KLHL20: variants seen among roughly 807,000 people sequenced by gnomAD.
KLHL20 encodes kelch-like protein 20.
A neutral mutation model predicts 69.5 loss-of-function variants in KLHL20; 29 were observed. The ratio of observed to expected loss-of-function variants is 0.42; its 90% CI spans 0.31 to 0.57. KLHL20 has a LOEUF of 0.57. Among genes scored for constraint, KLHL20 ranks in the 20% least tolerant of loss-of-function variants. KLHL20 has a pLI of 0.18. For synonymous variants in KLHL20, 253 were observed against 265.2 expected (o/e 0.95, Z 0.45); for missense variants, 419 against 776.0 (o/e 0.54, Z 5.47).
chr1:173,750,228 A>G (rs1055678872), intron 3 of KLHL20, among the ~76,000 whole-genome samples: 1 of 152,238 alleles, frequency 6.6e-6, no homozygotes, highest in African/African-American at 2.4e-5. Context: ...TATTTCTGCT[A>G]TAAATATAAC....
intron 3 of KLHL20, among the ~76,000 whole-genome samples, chr1:173,736,484 T>C (rs1445798903): frequency 1.3e-5 from 2 of 152,194 alleles, no homozygotes; most frequent in African/African-American, 2.4e-5. Flanking sequence ...AGATATACTT[T>C]TGGTTCTTTA....
chr1:173,768,805 A>G (rs895966312), intron 8 of KLHL20, among the ~76,000 whole-genome samples: 1 of 152,214 alleles, frequency 6.6e-6, no homozygotes, highest in African/African-American at 2.4e-5. Context: ...CACAAAACTA[A>G]GGGAAAGAAT....
chr1:173,761,467 G>A (rs748449888), intron 7 of KLHL20, among the ~76,000 whole-genome samples: 2 of 152,126 alleles, frequency 1.3e-5, no homozygotes, highest in Admixed American at 6.5e-5. Flanking sequence ...CTTTCTCCAA[G>A]ATAGACCATA....
chr1:173,762,951 T>C (rs10912684), intron 7 of KLHL20, among the ~76,000 whole-genome samples: 13,324 of 151,816 alleles, frequency 0.088, 1,761 homozygotes, highest in African/African-American at 0.3. Context: ...TGTTTGCTGA[T>C]GATATGATTG....
chr1:173,753,139 C>A, intron 4 of KLHL20, 74 bp from the exon 5 acceptor site: 1 of 1,236,282 alleles, frequency 8.1e-7, no homozygotes, highest in Non-Finnish European at 1.2e-6. Flanking sequence ...TGCCACTGTA[C>A]TCCAGCCTAG....
At chr1:173,782,435 C>T (rs1648938763) in intron 11 of KLHL20, among the ~76,000 whole-genome samples, 1 of 151,560 alleles carries the variant, frequency 6.6e-6, no homozygotes, top group South Asian at 2.1e-4. Flanking sequence ...CAGTAACTGT[C>T]CAGTTTTATA....
chr1:173,773,022 G>T (rs1039618138), intron 8 of KLHL20, among the ~76,000 whole-genome samples: 1 of 152,194 alleles, frequency 6.6e-6, no homozygotes, highest in African/African-American at 2.4e-5. Context: ...TGTCACCCAG[G>T]CTGGAGTGCA....
In KLHL20 at chr1:173,734,159, G is replaced by C; in HGVS notation, c.470G>C (p.Cys157Ser). Reference sequence around the variant, plus strand: ...CAGCTGGCAGAAATACAGGAAGCCTGCTGTGAATTCTTAAAGAGACAATTA... The same window carrying C: ...CAGCTGGCAGAAATACAGGAAGCCTCCTGTGAATTCTTAAAGAGACAATTA... Reference protein sequence around the residue: ...LLQLAEIQEACCEFLKRQLDP... With the variant: ...LLQLAEIQEASCEFLKRQLDP... The change falls in exon 3 of 12, where the codon TGC becomes TCC. Residue 157 changes from cysteine to serine, a missense_variant. By Grantham distance (112) the Cys-to-Ser change is moderately radical. Around this residue, in one of 6 missense-constraint regions of KLHL20, gnomAD observed 99 missense variants for 240.7 expected, o/e 0.41. Transcript: ENST00000209884. 1 of 1,614,214 alleles carries C rather than the reference G, an allele frequency of 6.2e-7. No individual in the cohort carries two copies. Among genetic ancestry groups the C allele is most frequent in the South Asian group, 1.1e-5 (1 of 91,082 alleles).
intron 10 of KLHL20, among the ~76,000 whole-genome samples, chr1:173,778,691 T>C (rs1349607718): frequency 6.6e-6 from 1 of 152,174 alleles, no homozygotes; most frequent in Non-Finnish European, 1.5e-5. Context: ...TGGTTCAATC[T>C]TGGTAGGTTG....
chr1:173,726,729 C>G (rs1571854911), intron 2 of KLHL20, among the ~76,000 whole-genome samples: 1 of 152,124 alleles, frequency 6.6e-6, no homozygotes, highest in African/African-American at 2.4e-5. Context: ...AAAATACATC[C>G]ACACCAAAAC....
chr1:173,769,390 C>T (rs1647939828), intron 8 of KLHL20, among the ~76,000 whole-genome samples: 2 of 152,076 alleles, frequency 1.3e-5, no homozygotes, highest in Admixed American at 1.3e-4. Context: ...CAGGTCAGGA[C>T]CCTACACTGA....
At chr1:173,730,432 A>T (rs975897055) in intron 2 of KLHL20, among the ~76,000 whole-genome samples, 4 of 152,120 alleles carry the variant, frequency 2.6e-5, no homozygotes, top group African/African-American at 9.6e-5. Flanking sequence ...AGCCAAAAGA[A>T]CAAAGCTGGA....
In KLHL20 at chr1:173,785,760, C is replaced by CA. The variant is rs913614160; in HGVS notation, c.*520dup. The CA allele has an allele frequency of 1.3e-5, 2 of 148,856 alleles. No homozygotes were observed. Among genetic ancestry groups the CA allele is most frequent in the Admixed American group, 6.7e-5 (1 of 15,002 alleles). The allele number at this position is 148,856 out of a possible 1,614,324, so 9.2% of individuals were successfully genotyped here. ...ACTTGAAAATCTTAAAAAAAAAAAA[C>CA]AAAAAAACAAGAAAAGGCAACATCT... On this transcript the variant is annotated 3_prime_UTR_variant, in exon 12 of 12. Transcript: ENST00000209884.
chr1:173,752,377 T>C (rs1673354594), intron 4 of KLHL20, among the ~76,000 whole-genome samples: 1 of 152,232 alleles, frequency 6.6e-6, no homozygotes, highest in Admixed American at 6.5e-5. Context: ...AGAAGCATTT[T>C]GGTTGCTTAT....
At chr1:173,773,448 TATTA>T (rs1345912949) in intron 8 of KLHL20, among the ~76,000 whole-genome samples, 4 of 150,006 alleles carry the variant, frequency 2.7e-5, no homozygotes, top group Non-Finnish European at 4.4e-5. Context: ...AATAAATAAA[TATTA>T]ATTAAAATTT....
At chr1:173,764,847 T>G (rs1005223645) in intron 7 of KLHL20, among the ~76,000 whole-genome samples, 5 of 151,762 alleles carry the variant, frequency 3.3e-5, no homozygotes, top group Non-Finnish European at 5.9e-5. Flanking sequence ...AAATACCACC[T>G]GTACCCCAAT....
At chr1:173,734,553 C>A in intron 3 of KLHL20, 1 of 406,736 alleles carries the variant, frequency 2.5e-6, no homozygotes, top group Non-Finnish European at 4.5e-6. Context: ...TATTTATAAG[C>A]CAAAATAGAG....
In KLHL20 at chr1:173,785,294, C is replaced by T. The variant is rs773050015; in HGVS notation, c.*47C>T. On this transcript the variant is annotated 3_prime_UTR_variant, in exon 12 of 12. Coordinates refer to ENST00000209884, the MANE Select transcript of KLHL20 (RefSeq NM_014458.4). ...ATATATTCCTCTGTATTCTGGGGAG[C>T]TTTGACCTTGGAGCTTTGTACAGCT... 7.2e-7 allele frequency: 1 copy of T among 1,395,858 alleles called. No homozygotes were observed. Among genetic ancestry groups the T allele is most frequent in the Non-Finnish European group, 9.8e-7 (1 of 1,020,120 alleles). The allele number at this position is 1,395,858 out of a possible 1,614,324, so 86.5% of individuals were successfully genotyped here.
chr1:173,753,441 T>A (rs1192198237), intron 5 of KLHL20, 134 bp downstream of exon 5: 8 of 661,694 alleles, frequency 1.2e-5, no homozygotes, highest in African/African-American at 3.6e-5. Context: ...CAAGGTTTTC[T>A]TCTGGGCTAG....
Sources: gnomAD v4.1 joint callset for allele counts (sites outside exome capture counted in the v4.1 genomes callset) on GRCh38, gnomAD v4.1.1 for gene constraint, gnomAD v4.1.1 regional missense constraint, MANE v1.5 for transcripts, NCBI Gene and HGNC (gene_info 2026-07-23, HGNC 2026-07-21) for gene names.